GAB2: variants seen among roughly 807,000 people sequenced by gnomAD.
GAB2 encodes GRB2-associated-binding protein 2.
In GAB2, 26 loss-of-function variants were observed where a neutral mutation model predicts 65.5. The observed-to-expected ratio is 0.40, with a 90% CI of 0.29 to 0.55. GAB2 has a LOEUF of 0.55. GAB2 is among the 20% of genes least tolerant of loss of function. The probability of loss-of-function intolerance (pLI) is 0.53; values close to 1 mark genes in which losing one functional copy is unlikely to be tolerated. For missense variants in GAB2, 884 were observed against 875.8 expected (o/e 1.01, Z -0.12); for synonymous variants, 321 against 329.6 (o/e 0.97, Z 0.28).
intron 1 of GAB2, among the ~76,000 whole-genome samples, chr11:78,318,708 G>C (rs115892920): frequency 1.3e-5 from 2 of 152,066 alleles, no homozygotes; most frequent in Non-Finnish European, 2.9e-5. Context: ...ATTTCTAAAC[G>C]GTTTCTGACG....
At position 78,277,235 on chromosome 11, in the gene GAB2, T is replaced by C. The variant is rs145955100; in HGVS notation, c.376+3366A>G. Among the ~76,000 whole-genome samples, 359 of 152,348 alleles carry C rather than the reference T, an allele frequency of 2.4e-3. 2 individuals are homozygous for C. The highest frequency in any genetic ancestry group is 5.6e-3 in the South Asian group (27 of 4,832). On this transcript the variant is annotated intron_variant, in intron 2 of 9. Transcript: ENST00000361507. ...GAAAATAATTCAATTAAAAGCCATTTGGTTTTTGGTTACATTTTCCCCTCA... is the reference window on the plus strand; with the variant it reads ...GAAAATAATTCAATTAAAAGCCATTCGGTTTTTGGTTACATTTTCCCCTCA...
chr11:78,326,721 T>G (rs1321320553), intron 1 of GAB2, among the ~76,000 whole-genome samples: 1 of 152,242 alleles, frequency 6.6e-6, no homozygotes, highest in African/African-American at 2.4e-5. Flanking sequence ...AGGACCTTAG[T>G]AACTTCTGTT....
chr11:78,232,062 T>C (rs1864865195), intron 3 of GAB2: 1 of 152,248 alleles, frequency 6.6e-6, no homozygotes, highest in Admixed American at 6.5e-5. Context: ...GAGCCAATTT[T>C]GGCAGGACTC....
At chr11:78,243,785 A>G (rs1865214194) in intron 3 of GAB2, among the ~76,000 whole-genome samples, 1 of 152,216 alleles carries the variant, frequency 6.6e-6, no homozygotes. Context: ...CGGAGGTTGT[A>G]GTGAGCTGAG....
At chr11:78,417,217 C>G (rs1385684100) in intron 1 of GAB2, among the ~76,000 whole-genome samples, 35 of 152,086 alleles carry the variant, frequency 2.3e-4, no homozygotes, top group African/African-American at 8.2e-4. Context: ...CTTTGTGGGG[C>G]CGTCCGCGCG....
intron 1 of GAB2, among the ~76,000 whole-genome samples, chr11:78,401,505 C>CGTGTGTGTGTGTGTGTGTGTGTGT (rs34474918): frequency 8.0e-6 from 1 of 124,936 alleles, no homozygotes; most frequent in African/African-American, 3.0e-5. Context: ...GAACAGTATT[C>CGTGTGTGTGTGTGTGTGTGTGTGT]GTGTGTGTGT....
At chr11:78,350,719 TTCCTGACTTA>T (rs560764122) in intron 1 of GAB2, among the ~76,000 whole-genome samples, 175 of 152,360 alleles carry the variant, frequency 1.1e-3, no homozygotes, top group African/African-American at 4.0e-3. Flanking sequence ...CTCATTTCCA[TTCCTGACTTA>T]GCCTGAACTG....
chr11:78,223,695 A>G lies in GAB2; in HGVS notation c.1303-19T>C, dbSNP rs1864537435. 1.3e-6 allele frequency: 2 copies of G among 1,566,166 alleles called. No homozygotes were observed. Among genetic ancestry groups the G allele is most frequent in the Admixed American group, 3.7e-5 (2 of 53,464 alleles). ...TCCCTGGCTAGGGAGAGGAACAGTG[A>G]AAGAAATACAGCTGTTACTAGCAAG... On this transcript the variant is annotated intron_variant, in intron 5 of 9. Coordinates refer to ENST00000361507, the MANE Select transcript of GAB2 (RefSeq NM_080491.3).
intron 1 of GAB2, among the ~76,000 whole-genome samples, chr11:78,317,736 C>G (rs2134655991): frequency 6.6e-6 from 1 of 152,166 alleles, no homozygotes; most frequent in African/African-American, 2.4e-5. Flanking sequence ...TCTTTTGTTT[C>G]AAGGTTCTTT....
At chr11:78,401,319 C>G (rs1470011558) in intron 1 of GAB2, among the ~76,000 whole-genome samples, 1 of 152,188 alleles carries the variant, frequency 6.6e-6, no homozygotes, top group Non-Finnish European at 1.5e-5. Context: ...TAGCCCCTGG[C>G]AACTAGCACT....
chr11:78,295,471 C>A (rs1866800296), intron 1 of GAB2, among the ~76,000 whole-genome samples: 1 of 152,176 alleles, frequency 6.6e-6, no homozygotes, highest in African/African-American at 2.4e-5. Flanking sequence ...CTCACACCTA[C>A]ACAAACTCTC....
intron 1 of GAB2, among the ~76,000 whole-genome samples, chr11:78,359,514 C>CA (rs1205727232): frequency 2.0e-5 from 3 of 151,674 alleles, no homozygotes; most frequent in African/African-American, 4.8e-5. Flanking sequence ...TATTTTCAGA[C>CA]AAAAAAACAG....
chr11:78,237,664 TA>T (rs1397982884), intron 3 of GAB2, among the ~76,000 whole-genome samples: 1 of 152,056 alleles, frequency 6.6e-6, no homozygotes, highest in Non-Finnish European at 1.5e-5. Flanking sequence ...AAAATCAGTT[TA>T]AAAAATCATC....
intron 1 of GAB2, among the ~76,000 whole-genome samples, chr11:78,367,583 G>A (rs1015991465): frequency 1.3e-5 from 2 of 152,138 alleles, no homozygotes; most frequent in Non-Finnish European, 2.9e-5. Flanking sequence ...TGCAGGCCAA[G>A]CAAAACACTT....
chr11:78,311,382 G>C (rs1855496159), intron 1 of GAB2, among the ~76,000 whole-genome samples: 1 of 151,500 alleles, frequency 6.6e-6, no homozygotes, highest in South Asian at 2.1e-4. Context: ...CAAGAATCAA[G>C]TAAGGTAATA....
intron 1 of GAB2, among the ~76,000 whole-genome samples, chr11:78,361,618 A>G (rs1856436325): frequency 6.6e-6 from 1 of 152,252 alleles, no homozygotes; most frequent in Non-Finnish European, 1.5e-5. Flanking sequence ...AATGATTTTT[A>G]AACATGTGAA....
chr11:78,380,407 C>T (rs1329473748), intron 1 of GAB2, among the ~76,000 whole-genome samples: 2 of 152,060 alleles, frequency 1.3e-5, no homozygotes, highest in Non-Finnish European at 2.9e-5. Context: ...GGTTTCACCA[C>T]GTTGGCCAGG....
chr11:78,278,729 T>A (rs527944039), intron 2 of GAB2, among the ~76,000 whole-genome samples: 5 of 151,232 alleles, frequency 3.3e-5, no homozygotes, highest in African/African-American at 1.2e-4. Context: ...ATTTTTGTTT[T>A]TTTTTTTAGG....
intron 8 of GAB2, 41 bp downstream of exon 8, chr11:78,221,636 G>A: frequency 1.6e-6 from 2 of 1,270,626 alleles, no homozygotes; most frequent in East Asian, 2.3e-5. Context: ...GGTCCCAGGG[G>A]ACTTGAAAGG....
Sources: gnomAD v4.1 joint callset for allele counts (sites outside exome capture counted in the v4.1 genomes callset) on GRCh38, gnomAD v4.1.1 for gene constraint, MANE v1.5 for transcripts, NCBI Gene and HGNC (gene_info 2026-07-23, HGNC 2026-07-21) for gene names.